Variants in GPC3 observed in about 807,000 individuals in gnomAD.
The protein encoded by GPC3 is glypican 3.
In GPC3, 3 loss-of-function variants were observed where a neutral mutation model predicts 34.4. That is an observed-to-expected ratio of 0.09 (90% confidence interval 0.04 to 0.23). The LOEUF (loss-of-function observed/expected upper bound fraction) is 0.23, where lower values mean the gene tolerates loss of function less well. GPC3 is among the 10% of genes least tolerant of loss of function. The pLI, the probability that GPC3 is intolerant of heterozygous loss-of-function variation, is 1.00. For synonymous variants in GPC3, 177 were observed against 174.0 expected, an observed-to-expected ratio of 1.02 and a Z score of -0.13; for missense variants, 351 against 445.6, an observed-to-expected ratio of 0.79 and a Z score of 1.91.
chrX:133,975,010 C>G (rs1569461347), intron 1 of GPC3, among the ~76,000 whole-genome samples: 1 of 111,427 alleles, frequency 9.0e-6, no homozygotes, highest in African/African-American at 3.3e-5. Flanking sequence ...TACCAAGCAC[C>G]TATTATGTGC....
chrX:133,831,036 C>A (rs2075773157), intron 2 of GPC3, among the ~76,000 whole-genome samples: 1 of 110,703 alleles, frequency 9.0e-6, no homozygotes, highest in East Asian at 2.8e-4. Flanking sequence ...TCCATTTATA[C>A]AATGTTCTCA....
chrX:133,791,972 C>T (rs2072169357), intron 2 of GPC3, among the ~76,000 whole-genome samples: 1 of 107,092 alleles, frequency 9.3e-6, no homozygotes, highest in Non-Finnish European at 1.9e-5. Context: ...CCTCTGCCTG[C>T]CACATTCAAG....
At chrX:133,822,432 T>C (rs1162828415) in intron 2 of GPC3, among the ~76,000 whole-genome samples, 2 of 111,960 alleles carry the variant, frequency 1.8e-5, no homozygotes, top group African/African-American at 6.5e-5. Context: ...GAGAAAAAAA[T>C]CATATGCTGA....
chrX:133,804,192 C>T (rs1185957469), intron 2 of GPC3, among the ~76,000 whole-genome samples: 1 of 111,508 alleles, frequency 9.0e-6, no homozygotes, highest in Non-Finnish European at 1.9e-5. Flanking sequence ...AAGAATCTTT[C>T]ACATTTTATG....
chrX:133,890,586 G>A (rs926610797), intron 2 of GPC3, among the ~76,000 whole-genome samples: 2 of 110,069 alleles, frequency 1.8e-5, no homozygotes, highest in East Asian at 2.8e-4. Context: ...GGTCGGGTGC[G>A]GTGGCTCATG....
At chrX:133,874,531 C>T (rs1401199839) in intron 2 of GPC3, among the ~76,000 whole-genome samples, 1 of 111,801 alleles carries the variant, frequency 8.9e-6, no homozygotes, top group African/African-American at 3.2e-5. Flanking sequence ...TAAGAAGAAA[C>T]AGCTGTAAGC....
At chrX:133,765,014 G>A (rs1439520414) in intron 2 of GPC3, among the ~76,000 whole-genome samples, 1 of 111,755 alleles carries the variant, frequency 8.9e-6, no homozygotes, top group Non-Finnish European at 1.9e-5. Context: ...CTTTACAAAA[G>A]AAAGCCTGAT....
chrX:133,620,435 G>T (rs2070220396), intron 6 of GPC3, among the ~76,000 whole-genome samples: 1 of 110,463 alleles, frequency 9.1e-6, no homozygotes, highest in Non-Finnish European at 1.9e-5. Context: ...TCACAGATTT[G>T]CTTTCAGTAT....
chrX:133,852,812 T>C (rs990585867), intron 2 of GPC3, among the ~76,000 whole-genome samples: 4 of 110,512 alleles, frequency 3.6e-5, no homozygotes, highest in Non-Finnish European at 5.7e-5. Context: ...CTTTCATTAG[T>C]ACCATTACCA....
At chrX:133,552,459 T>G (rs2069443683) in intron 7 of GPC3, among the ~76,000 whole-genome samples, 1 of 111,431 alleles carries the variant, frequency 9.0e-6, no homozygotes, top group African/African-American at 3.3e-5. Flanking sequence ...AAGACATAAT[T>G]GTAGGGAAAT....
rs1236283188 is a variant in GPC3 at position 133,639,686 on chromosome X, G to GA, written c.1413+22043dup. Among the ~76,000 whole-genome samples, 720 of 104,996 alleles carry GA rather than the reference G, an allele frequency of 6.9e-3. 7 individuals carry two copies. The highest frequency in any genetic ancestry group is 0.021 in the African/African-American group (607 of 29,119). 91.2% of individuals were successfully genotyped at this position (104,996 alleles called of 115,157 possible). A position where few individuals can be genotyped will look rare whatever the true frequency, so the allele number is the denominator to read the frequency against. On this transcript the variant is annotated intron_variant, in intron 6 of 7. Coordinates refer to ENST00000370818, the MANE Select transcript of GPC3 (RefSeq NM_004484.4). ...ACTTTGTAGGCCTGGCAGTTAATAGGAAAAAAAAAAATCAAATCACTGACT... is the reference window on the plus strand; with the variant it reads ...ACTTTGTAGGCCTGGCAGTTAATAGGAAAAAAAAAAAATCAAATCACTGACT...
chrX:133,632,366 C>T lies in GPC3; in HGVS notation c.1413+29364G>A, dbSNP rs2070376300. ...CCTTCTGCCTCGGTCTCCCAATGTG[C>T]TGGGATTACAGGTGTGAGCCAGCAT... On this transcript the variant is annotated intron_variant, in intron 6 of 7. Transcript: ENST00000370818. Among the ~76,000 whole-genome samples the T allele has an allele frequency of 2.7e-5, 3 of 111,656 alleles. No individual in the cohort carries two copies. In the South Asian group the frequency reaches 1.1e-3, roughly 42 times the overall value.
intron 7 of GPC3, among the ~76,000 whole-genome samples, chrX:133,578,684 A>G (rs1375300617): frequency 8.9e-6 from 1 of 111,888 alleles, no homozygotes; most frequent in Non-Finnish European, 1.9e-5. Context: ...GTCTCAAAAC[A>G]AAAAACAAAA....
chrX:133,895,879 G>A (rs2076109746), intron 2 of GPC3, among the ~76,000 whole-genome samples: 1 of 111,453 alleles, frequency 9.0e-6, no homozygotes, highest in Admixed American at 9.6e-5. Context: ...AAAAATTTCT[G>A]TCCTTGCTAA....
intron 2 of GPC3, among the ~76,000 whole-genome samples, chrX:133,903,577 G>A (rs1019356957): frequency 1.8e-5 from 2 of 112,113 alleles, no homozygotes; most frequent in Admixed American, 9.4e-5. Context: ...CGACAAGAGC[G>A]AAACTCTGTC....
chrX:133,719,953 T>C (rs1266463747), intron 3 of GPC3, among the ~76,000 whole-genome samples: 1 of 111,723 alleles, frequency 9.0e-6, no homozygotes, highest in East Asian at 2.8e-4. Flanking sequence ...AACAAACATA[T>C]GAAAAAATGC....
intron 6 of GPC3, among the ~76,000 whole-genome samples, chrX:133,608,546 T>C (rs768210283): frequency 8.9e-6 from 1 of 112,115 alleles, no homozygotes; most frequent in Non-Finnish European, 1.9e-5. Flanking sequence ...TCATTCCAAA[T>C]AGACATCTTG....
At chrX:133,943,480 T>A (rs2076353166) in intron 2 of GPC3, among the ~76,000 whole-genome samples, 1 of 112,469 alleles carries the variant, frequency 8.9e-6, no homozygotes, top group African/African-American at 3.2e-5. Context: ...CAGTCTTGGG[T>A]CTAGCAACTC....
intron 2 of GPC3, among the ~76,000 whole-genome samples, chrX:133,944,888 G>A (rs977385960): frequency 9.0e-6 from 1 of 111,554 alleles, no homozygotes; most frequent in Admixed American, 9.5e-5. Context: ...GAATGGCTCA[G>A]AGAGAAGTGG....
Sources: gnomAD v4.1 joint callset for allele counts (sites outside exome capture counted in the v4.1 genomes callset) on GRCh38, gnomAD v4.1.1 for gene constraint, MANE v1.5 for transcripts, NCBI Gene and HGNC (gene_info 2026-07-23, HGNC 2026-07-21) for gene names.